Variants in OR4F5 observed in about 807,000 individuals in gnomAD.
The protein encoded by OR4F5 is olfactory receptor 4F5.
Under a neutral mutation model 5.8 loss-of-function variants are expected in OR4F5, and 1 was observed. The ratio of observed to expected loss-of-function variants is 0.17; its 90% CI spans 0.06 to 0.82. The LOEUF (loss-of-function observed/expected upper bound fraction) is 0.82. Among genes scored for constraint, OR4F5 ranks in the 40% least tolerant of loss-of-function variants. The pLI is 0.72. For missense variants in OR4F5, 47 were observed against 175.5 expected (o/e 0.27, Z 4.14); for synonymous variants, 18 against 63.7 (o/e 0.28, Z 3.42).
chr1:66,218 A>T (rs1157031055), intron 2 of OR4F5, among the ~76,000 whole-genome samples: 32 of 63,230 alleles, frequency 5.1e-4, no homozygotes, highest in African/African-American at 1.3e-3. Context: ...TTATATATAT[A>T]ATATATATTA....
chr1:68,209 A>C (rs1639964749), intron 2 of OR4F5, among the ~76,000 whole-genome samples: 1 of 84,762 alleles, frequency 1.2e-5, no homozygotes, highest in Non-Finnish European at 3.1e-5. Context: ...GCCTCCTAGC[A>C]CACAAGCTCA....
chr1:67,298 T>G (rs1230806144), intron 2 of OR4F5, among the ~76,000 whole-genome samples: 1 of 112,378 alleles, frequency 8.9e-6, no homozygotes, highest in Non-Finnish European at 2.2e-5. Flanking sequence ...TTCTTAAAAA[T>G]ATTTAAGATC....
intron 2 of OR4F5, among the ~76,000 whole-genome samples, chr1:65,930 A>C (rs1359599090): frequency 3.6e-5 from 4 of 111,038 alleles, no homozygotes; most frequent in Admixed American, 1.0e-4. Context: ...CCTTTTTATA[A>C]TACCAGTGAA....
intron 2 of OR4F5, among the ~76,000 whole-genome samples, chr1:68,121 C>T (rs1002079901): frequency 2.2e-5 from 1 of 44,982 alleles, no homozygotes; most frequent in African/African-American, 4.7e-5. Context: ...CCAGATGTGG[C>T]CGTAAGACTG....
chr1:66,531 ATAT>A (rs1371085306), intron 2 of OR4F5, among the ~76,000 whole-genome samples: 5 of 84,190 alleles, frequency 5.9e-5, no homozygotes, highest in South Asian at 5.9e-4. Flanking sequence ...TATATAATAT[ATAT>A]TATATTTATA....
At chr1:66,831 C>T (rs1639953677) in intron 2 of OR4F5, among the ~76,000 whole-genome samples, 1 of 107,210 alleles carries the variant, frequency 9.3e-6, no homozygotes, top group African/African-American at 2.8e-5. Context: ...CAGAAATGAG[C>T]TTTGAAAGAA....
At chr1:68,364 T>G (rs972417280) in intron 2 of OR4F5, among the ~76,000 whole-genome samples, 1 of 106,586 alleles carries the variant, frequency 9.4e-6, no homozygotes, top group Non-Finnish European at 2.3e-5. Context: ...GCTCCCTCCC[T>G]TCCAATTCAC....
intron 2 of OR4F5, among the ~76,000 whole-genome samples, chr1:66,396 ATATTATATAATATAATATATTT>A: frequency 1.2e-5 from 1 of 85,112 alleles, no homozygotes; most frequent in South Asian, 2.7e-4. Flanking sequence ...AATATAATAT[ATATTATATAATATAATATATTT>A]TATTATATAA....
At chr1:67,223 C>A (rs78676975) in intron 2 of OR4F5, among the ~76,000 whole-genome samples, 1 of 118,146 alleles carries the variant, frequency 8.5e-6, no homozygotes, top group African/African-American at 2.6e-5. Flanking sequence ...TATTTATTAC[C>A]GTGCTAAGCA....
In OR4F5 at chr1:66,431, ATATAT is replaced by A. The variant is rs1192924708; in HGVS notation, c.9+869_9+873del. ...ATATAATATATTTTATTATATAAAT[ATATAT>A]TATATTATATAATATATATTTTATT... On this transcript the variant is annotated intron_variant, in intron 2 of 2. Coordinates refer to ENST00000641515, the MANE Select transcript of OR4F5 (RefSeq NM_001005484.2). Among the ~76,000 whole-genome samples, 21 of 64,344 alleles carry A rather than the reference ATATAT, an allele frequency of 3.3e-4. 1 individual carries two copies. The highest frequency in any genetic ancestry group is 1.8e-3 in the East Asian group (7 of 3,868). 42.2% of individuals were successfully genotyped at this position (64,344 alleles called of 152,430 possible). A position where few individuals can be genotyped will look rare whatever the true frequency, so the allele number is the denominator to read the frequency against.
intron 2 of OR4F5, among the ~76,000 whole-genome samples, chr1:68,337 C>G (rs540193047): frequency 9.0e-6 from 1 of 111,662 alleles, no homozygotes; most frequent in African/African-American, 2.7e-5. Flanking sequence ...AAAATAATTA[C>G]TTGGCTTCAT....
chr1:68,508 C>T (rs368481820), intron 2 of OR4F5, among the ~76,000 whole-genome samples: 1 of 40,946 alleles, frequency 2.4e-5, no homozygotes, highest in East Asian at 3.7e-4. Context: ...GTCCTTCACA[C>T]TTTCTCTCAT....
rs553724620 is a variant in OR4F5 at position 69,521 on chromosome 1, T to C, written c.494T>C (p.Ile165Thr). ...CVGIMAVTWG[I>T]GFLHSVSQLA... ...GGCATTATGGCTGTCACATGGGGAA[T>C]TGGCTTTCTCCATTCGGTGAGCCAG... Residue 165 changes from isoleucine (I) to threonine (T), a missense_variant, in exon 3 of 3, where the codon ATT becomes ACT. Around this residue, in one of 3 missense-constraint regions of OR4F5, gnomAD observed 40 missense variants for 68.3 expected, o/e 0.59. Coordinates refer to ENST00000641515, the MANE Select transcript of OR4F5 (RefSeq NM_001005484.2). 1.7e-5 allele frequency: 17 copies of C among 997,932 alleles called. 5 individuals are homozygous for C. Among genetic ancestry groups the C allele is most frequent in the African/African-American group, 7.5e-5 (4 of 53,604 alleles). 61.8% of individuals were successfully genotyped at this position (997,932 alleles called of 1,614,324 possible).
intron 2 of OR4F5, among the ~76,000 whole-genome samples, chr1:66,381 TATATAATATAATATATATTATATA>T (rs1557435669): frequency 1.5e-5 from 1 of 65,268 alleles, no homozygotes; most frequent in African/African-American, 5.3e-5. Flanking sequence ...ATATATAAAT[TATATAATATAATATATATTATATA>T]ATATAATATA....
At chr1:68,302 G>A (rs1639965902) in intron 2 of OR4F5, among the ~76,000 whole-genome samples, 1 of 112,736 alleles carries the variant, frequency 8.9e-6, no homozygotes, top group East Asian at 2.0e-4. Flanking sequence ...ACCACAACCT[G>A]CAGCTATTAC....
At chr1:66,446 T>A (rs1157325153) in intron 2 of OR4F5, among the ~76,000 whole-genome samples, 1 of 88,306 alleles carries the variant, frequency 1.1e-5, no homozygotes, top group Non-Finnish European at 2.2e-5. Flanking sequence ...TTATATTATA[T>A]AATATATATT....
chr1:66,557 T>G (rs1390500259), intron 2 of OR4F5, among the ~76,000 whole-genome samples: 1 of 83,894 alleles, frequency 1.2e-5, no homozygotes, highest in African/African-American at 3.6e-5. Flanking sequence ...TAACATATAT[T>G]ATTATATAAA....
At chr1:66,475 TATATATTTATAGA>T (rs1639946510) in intron 2 of OR4F5, among the ~76,000 whole-genome samples, 1 of 80,662 alleles carries the variant, frequency 1.2e-5, no homozygotes, top group African/African-American at 4.1e-5. Flanking sequence ...TAATATATAT[TATATATTTATAGA>T]ATATAATATA....
chr1:66,266 TATA>T (rs1361259380), intron 2 of OR4F5, among the ~76,000 whole-genome samples: 3 of 30,606 alleles, frequency 9.8e-5, no homozygotes, highest in African/African-American at 4.3e-4. Context: ...ATAATATAAA[TATA>T]ATATAAATTA....
Sources: gnomAD v4.1 joint callset for allele counts (sites outside exome capture counted in the v4.1 genomes callset) on GRCh38, gnomAD v4.1.1 for gene constraint, gnomAD v4.1.1 regional missense constraint, MANE v1.5 for transcripts, NCBI Gene and HGNC (gene_info 2026-07-23, HGNC 2026-07-21) for gene names.